The following SENP7 variants were observed in gnomAD, a reference collection of about 807,000 sequenced individuals.
SENP7 encodes the protein SUMO specific peptidase 7.
Under a neutral mutation model 141.2 loss-of-function variants are expected in SENP7, and 64 were observed. The observed-to-expected ratio is 0.45, with a 90% CI of 0.37 to 0.56. SENP7 has a LOEUF of 0.56. SENP7 is among the 20% of genes least tolerant of loss of function. The probability of loss-of-function intolerance (pLI) is 0.00; values close to 1 mark genes in which losing one functional copy is unlikely to be tolerated. For missense variants in SENP7, 1,025 were observed against 1,212.2 expected (o/e 0.85, Z 2.29); for synonymous variants, 382 against 426.4 (o/e 0.90, Z 1.28).
At chr3:101,436,171 T>C (rs1436420969) in intron 4 of SENP7, among the ~76,000 whole-genome samples, 2 of 152,004 alleles carry the variant, frequency 1.3e-5, no homozygotes, top group Admixed American at 1.3e-4. Context: ...CATACACTGA[T>C]GGAAAGACAC....
At chr3:101,362,009 T>C in intron 10 of SENP7, 148 bp from the exon 11 acceptor site, 1 of 880,256 alleles carries the variant, frequency 1.1e-6, no homozygotes, top group Non-Finnish European at 1.6e-6. Flanking sequence ...GAAATAGCTA[T>C]CTAGATTTTT....
At chr3:101,401,890 G>A (rs1468030959) in intron 5 of SENP7, among the ~76,000 whole-genome samples, 1 of 151,874 alleles carries the variant, frequency 6.6e-6, no homozygotes, top group Non-Finnish European at 1.5e-5. Flanking sequence ...AGACTGAAGT[G>A]AGAGGATCAC....
intron 6 of SENP7, among the ~76,000 whole-genome samples, chr3:101,396,244 G>A (rs1262840343): frequency 6.6e-6 from 1 of 152,118 alleles, no homozygotes; most frequent in African/African-American, 2.4e-5. Flanking sequence ...GAATAGTTTT[G>A]GGGAATGACC....
At chr3:101,439,259 C>T (rs1429784636) in intron 4 of SENP7, among the ~76,000 whole-genome samples, 27 of 106,218 alleles carry the variant, frequency 2.5e-4, no homozygotes, top group Middle Eastern at 9.9e-3. Flanking sequence ...CTCTGCCCGG[C>T]CGCCCCGTCT....
In SENP7 at chr3:101,403,471, T is replaced by G. The variant is rs148396311; in HGVS notation, c.483-4416A>C. On this transcript the variant is annotated intron_variant, in intron 5 of 23. Coordinates refer to ENST00000394095, the MANE Select transcript of SENP7 (RefSeq NM_020654.5). The stretch of plus-strand genomic sequence containing the variant: ...ATAAGCTGCCCAAGTATAAGTAGCT[T>G]TCCTAGTGGAAGAACCTGGGCCTGT... Among the ~76,000 whole-genome samples the G allele has an allele frequency of 8.8e-3, 1,336 of 152,328 alleles. 15 individuals carry two copies. The highest frequency in any genetic ancestry group is 0.014 in the Middle Eastern group (4 of 294).
At chr3:101,481,427 C>T (rs2064475027) in intron 3 of SENP7, among the ~76,000 whole-genome samples, 1 of 152,016 alleles carries the variant, frequency 6.6e-6, no homozygotes, top group Non-Finnish European at 1.5e-5. Flanking sequence ...TATGTGGGTG[C>T]TGAAAAAGTT....
intron 4 of SENP7, among the ~76,000 whole-genome samples, chr3:101,423,623 C>A (rs1003155005): frequency 6.6e-6 from 1 of 152,126 alleles, no homozygotes; most frequent in Non-Finnish European, 1.5e-5. Flanking sequence ...GGAATGGCTA[C>A]CACCAAGGGA....
intron 1 of SENP7, among the ~76,000 whole-genome samples, chr3:101,509,738 A>G (rs2065773130): frequency 1.3e-5 from 2 of 152,244 alleles, no homozygotes; most frequent in African/African-American, 4.8e-5. Flanking sequence ...AAGATTTAAG[A>G]AAGTTATACC....
intron 6 of SENP7, among the ~76,000 whole-genome samples, chr3:101,386,765 C>G (rs2060664345): frequency 6.6e-6 from 1 of 152,234 alleles, no homozygotes; most frequent in Non-Finnish European, 1.5e-5. Flanking sequence ...GAGGTGCCTG[C>G]CTAGGCACTA....
chr3:101,470,024 C>A (rs1166202725), intron 3 of SENP7, among the ~76,000 whole-genome samples: 2 of 151,982 alleles, frequency 1.3e-5, no homozygotes, highest in African/African-American at 2.4e-5. Context: ...TTCTTTGAAA[C>A]CAATGAGAAC....
chr3:101,395,415 C>T (rs1313632101), intron 6 of SENP7, among the ~76,000 whole-genome samples: 1 of 152,128 alleles, frequency 6.6e-6, no homozygotes, highest in Non-Finnish European at 1.5e-5. Flanking sequence ...AGTGTATGTT[C>T]TTGGCACCTT....
chr3:101,340,972 G>A (rs3846085), intron 15 of SENP7, among the ~76,000 whole-genome samples: 60,395 of 151,968 alleles, frequency 0.4, 12,515 homozygotes, highest in Admixed American at 0.54. Context: ...TACTTCTTGC[G>A]CCAGAAAGGT....
intron 4 of SENP7, among the ~76,000 whole-genome samples, chr3:101,450,046 G>C (rs1030945486): frequency 6.6e-6 from 1 of 151,692 alleles, no homozygotes; most frequent in Non-Finnish European, 1.5e-5. Context: ...AAACAAAAAA[G>C]GCAGGGGTTG....
At chr3:101,467,607 C>G (rs1406739553) in intron 3 of SENP7, among the ~76,000 whole-genome samples, 1 of 152,214 alleles carries the variant, frequency 6.6e-6, no homozygotes, top group Non-Finnish European at 1.5e-5. Flanking sequence ...AGACCTGCAG[C>G]TGAGGGACCT....
intron 4 of SENP7, among the ~76,000 whole-genome samples, chr3:101,445,070 G>A (rs2062837729): frequency 6.6e-6 from 1 of 152,036 alleles, no homozygotes; most frequent in South Asian, 2.1e-4. Context: ...GGCAGAGACA[G>A]AAATCTAAAA....
At chr3:101,426,310 G>T (rs2107691238) in intron 4 of SENP7, among the ~76,000 whole-genome samples, 1 of 152,132 alleles carries the variant, frequency 6.6e-6, no homozygotes, top group South Asian at 2.1e-4. Flanking sequence ...CAGCTAAAAA[G>T]GTCAGGTCAC....
chr3:101,461,723 TAG>T (rs2107897534), intron 3 of SENP7, among the ~76,000 whole-genome samples: 1 of 152,170 alleles, frequency 6.6e-6, no homozygotes, highest in South Asian at 2.1e-4. Flanking sequence ...TTGTAGTTCA[TAG>T]AAGCATTATT....
chr3:101,364,685 AC>A, intron 10 of SENP7, 148 bp downstream of exon 10: 1 of 510,808 alleles, frequency 2.0e-6, no homozygotes, highest in Non-Finnish European at 3.3e-6. Context: ...TACGTATTTC[AC>A]TCAAACTACT....
chr3:101,338,568 G>C (rs918611628), intron 16 of SENP7, among the ~76,000 whole-genome samples: 2 of 152,162 alleles, frequency 1.3e-5, no homozygotes, highest in African/African-American at 4.8e-5. Flanking sequence ...AGAGTTTGCA[G>C]ATCAGAATAC....
Sources: allele counts gnomAD v4.1 joint callset (sites outside exome capture counted in the v4.1 genomes callset), GRCh38; gene constraint gnomAD v4.1.1; transcripts MANE v1.5; gene names NCBI Gene and HGNC (gene_info 2026-07-23, HGNC 2026-07-21).